DAB1: variants seen among roughly 807,000 people sequenced by gnomAD.
DAB1 encodes the protein disabled homolog 1.
Under a neutral mutation model 64.6 loss-of-function variants are expected in DAB1, and 15 were observed. The ratio of observed to expected loss-of-function variants is 0.23; its 90% confidence interval spans 0.16 to 0.36. The LOEUF (loss-of-function observed/expected upper bound fraction) is 0.36, where lower values mean the gene tolerates loss of function less well. DAB1 is among the 10% of genes least tolerant of loss of function. The probability of loss-of-function intolerance (pLI) is 1.00; values close to 1 mark genes in which losing one functional copy is unlikely to be tolerated. For synonymous variants in DAB1, 235 were observed against 251.9 expected (o/e 0.93, Z 0.64); for missense variants, 596 against 706.7 (o/e 0.84, Z 1.78).
intron 2 of DAB1, among the ~76,000 whole-genome samples, chr1:57,267,493 T>C (rs990357776): frequency 2.0e-5 from 3 of 152,188 alleles, no homozygotes; most frequent in Non-Finnish European, 1.5e-5. Flanking sequence ...TCTGAACCTG[T>C]CTTATGCCGA....
At chr1:57,031,865 A>T (rs951003000) in intron 9 of DAB1, among the ~76,000 whole-genome samples, 15 of 152,210 alleles carry the variant, frequency 9.9e-5, no homozygotes, top group African/African-American at 3.6e-4. Flanking sequence ...AGAGAGATGT[A>T]GCTGGAGATG....
intron 7 of DAB1, among the ~76,000 whole-genome samples, chr1:57,568,975 A>T (rs969367273): frequency 6.6e-6 from 1 of 151,584 alleles, no homozygotes; most frequent in African/African-American, 2.4e-5. Flanking sequence ...AGACACATGC[A>T]CGGCCGGGCG....
intron 1 of DAB1, among the ~76,000 whole-genome samples, chr1:57,399,352 A>T (rs1683059903): frequency 6.6e-6 from 1 of 152,204 alleles, no homozygotes; most frequent in Non-Finnish European, 1.5e-5. Context: ...ATAACATGAT[A>T]GATGGATGGA....
chr1:57,951,805 C>T (rs1397094145), intron 5 of DAB1, among the ~76,000 whole-genome samples: 1 of 152,106 alleles, frequency 6.6e-6, no homozygotes, highest in African/African-American at 2.4e-5. Flanking sequence ...TGAACCAACT[C>T]CCCATATATT....
intron 4 of DAB1, among the ~76,000 whole-genome samples, chr1:58,277,025 G>T (rs1407657904): frequency 7.0e-6 from 1 of 143,452 alleles, no homozygotes; most frequent in African/African-American, 2.6e-5. Flanking sequence ...GTGTTGCAGA[G>T]ACTTTTTTTT....
At chr1:58,363,394 T>C (rs1198138477) in intron 3 of DAB1, among the ~76,000 whole-genome samples, 2 of 152,038 alleles carry the variant, frequency 1.3e-5, no homozygotes, top group Non-Finnish European at 2.9e-5. Context: ...GCTAAGAAAA[T>C]CTAGGGGCAG....
At chr1:57,591,541 G>A (rs1251977155) in intron 7 of DAB1, among the ~76,000 whole-genome samples, 1 of 152,162 alleles carries the variant, frequency 6.6e-6, no homozygotes, top group African/African-American at 2.4e-5. Flanking sequence ...AGGGTTCTGA[G>A]GCAAATGGAT....
At chr1:57,028,396 T>C (rs112970731) in intron 9 of DAB1, among the ~76,000 whole-genome samples, 2,530 of 152,308 alleles carry the variant, frequency 0.017, 62 homozygotes, top group African/African-American at 0.057. Flanking sequence ...CTTCCCAGTC[T>C]TGGGTATGTC....
chr1:58,393,296 A>C (rs1644491756), intron 3 of DAB1, among the ~76,000 whole-genome samples: 2 of 152,168 alleles, frequency 1.3e-5, no homozygotes, highest in Non-Finnish European at 2.9e-5. Context: ...TGCAGATAAT[A>C]CAAGTTAATG....
At chr1:58,048,276 G>A (rs1313351356) in intron 5 of DAB1, 4 of 1,283,984 alleles carry the variant, frequency 3.1e-6, no homozygotes, top group Non-Finnish European at 4.5e-6. Flanking sequence ...CCGCCATAGG[G>A]GCCAGAGCTT....
intron 6 of DAB1, among the ~76,000 whole-genome samples, chr1:57,724,324 A>G (rs1647183774): frequency 7.9e-6 from 1 of 125,988 alleles, no homozygotes; most frequent in East Asian, 2.9e-4. Flanking sequence ...GGGAGGAAGG[A>G]AGGAAGGAAG....
intron 4 of DAB1, among the ~76,000 whole-genome samples, chr1:58,274,637 T>G (rs374248892): frequency 6.6e-6 from 1 of 151,798 alleles, no homozygotes. Context: ...ATCTCAGACT[T>G]CTGTGCTAGC....
chr1:57,040,655 C>T (rs1022194265), intron 9 of DAB1, among the ~76,000 whole-genome samples: 2 of 152,102 alleles, frequency 1.3e-5, no homozygotes, highest in Admixed American at 1.3e-4. Context: ...ACACAGAAAA[C>T]CAGAAATCAA....
At chr1:57,418,953 T>A (rs1005669719) in intron 1 of DAB1, among the ~76,000 whole-genome samples, 1 of 152,154 alleles carries the variant, frequency 6.6e-6, no homozygotes, top group African/African-American at 2.4e-5. Context: ...GAGGGAAATA[T>A]CCAGGTGATT....
intron 6 of DAB1, among the ~76,000 whole-genome samples, chr1:57,694,408 G>A (rs1345757630): frequency 6.6e-6 from 1 of 152,054 alleles, no homozygotes; most frequent in Non-Finnish European, 1.5e-5. Flanking sequence ...AATATATATT[G>A]GGGAGAGTGG....
At chr1:57,519,777 C>T (rs1416239562) in intron 7 of DAB1, among the ~76,000 whole-genome samples, 1 of 152,176 alleles carries the variant, frequency 6.6e-6, no homozygotes, top group Non-Finnish European at 1.5e-5. Flanking sequence ...ATAATTAACA[C>T]TTAGCTGTTC....
At chr1:57,263,773 A>G (rs12088611) in intron 2 of DAB1, among the ~76,000 whole-genome samples, 58,408 of 152,016 alleles carry the variant, frequency 0.38, 11,382 homozygotes, top group South Asian at 0.49. Flanking sequence ...TGTGCCAATA[A>G]TTTTCATTAC....
chr1:57,519,540 C>T (rs1644501253), intron 7 of DAB1, among the ~76,000 whole-genome samples: 1 of 152,130 alleles, frequency 6.6e-6, no homozygotes, highest in African/African-American at 2.4e-5. Context: ...TGGTAGGTGG[C>T]CACAGACCCC....
At chr1:57,606,652 T>G in intron 7 of DAB1, among the ~76,000 whole-genome samples, 1 of 104,206 alleles carries the variant, frequency 9.6e-6, no homozygotes, top group African/African-American at 4.4e-5. Flanking sequence ...AAATATATAT[T>G]ATGTATGAAA....
Sources: gnomAD v4.1 joint callset for allele counts (sites outside exome capture counted in the v4.1 genomes callset) on GRCh38, gnomAD v4.1.1 for gene constraint, MANE v1.5 for transcripts, NCBI Gene and HGNC (gene_info 2026-07-23, HGNC 2026-07-21) for gene names.